NBEA: variants seen among roughly 807,000 people sequenced by gnomAD.
The protein encoded by NBEA is neurobeachin.
Under a neutral mutation model 343.4 loss-of-function variants are expected in NBEA, and 44 were observed. The ratio of observed to expected loss-of-function variants is 0.13; its 90% CI spans 0.10 to 0.16. NBEA has a LOEUF of 0.16. Ranked by LOEUF, NBEA falls within the 10% of genes least tolerant of loss-of-function variation. NBEA has a pLI of 1.00. For synonymous variants in NBEA, 1,175 were observed against 1,238.7 expected (o/e 0.95, Z 1.08); for missense variants, 2,555 against 3,631.3 (o/e 0.70, Z 7.62).
intron 36 of NBEA, among the ~76,000 whole-genome samples, chr13:35,328,748 A>G (rs1202684055): frequency 6.6e-6 from 1 of 151,876 alleles, no homozygotes; most frequent in Non-Finnish European, 1.5e-5. Flanking sequence ...GAGACACAAC[A>G]CAAACCTAAT....
At chr13:35,243,784 A>C (rs914511040) in intron 34 of NBEA, among the ~76,000 whole-genome samples, 1 of 151,936 alleles carries the variant, frequency 6.6e-6, no homozygotes, top group Non-Finnish European at 1.5e-5. Context: ...AGGGCAAAAA[A>C]GTTCTGCAAT....
intron 34 of NBEA, among the ~76,000 whole-genome samples, chr13:35,256,622 C>T (rs547928348): frequency 3.9e-4 from 59 of 152,306 alleles, no homozygotes; most frequent in African/African-American, 1.4e-3. Context: ...TGCAGGCTCA[C>T]GCTAAGCCAT....
intron 39 of NBEA, among the ~76,000 whole-genome samples, chr13:35,444,434 T>A (rs2045891613): frequency 6.6e-6 from 1 of 151,990 alleles, no homozygotes. Context: ...CTTTAAAAAG[T>A]ATTTAGGTTT....
chr13:35,490,423 A>G (rs926178753), intron 41 of NBEA, among the ~76,000 whole-genome samples: 23 of 152,024 alleles, frequency 1.5e-4, no homozygotes, highest in East Asian at 3.9e-4. Flanking sequence ...TAGATCACCA[A>G]CTAGACTGAT....
intron 38 of NBEA, among the ~76,000 whole-genome samples, chr13:35,389,017 CTTTT>C (rs796374405): frequency 7.3e-6 from 1 of 137,354 alleles, no homozygotes; most frequent in African/African-American, 2.6e-5. Context: ...TGGCGGGTTT[CTTTT>C]TTTTTTTTTT....
chr13:35,483,208 A>G (rs1437445035), intron 41 of NBEA, among the ~76,000 whole-genome samples: 1 of 151,986 alleles, frequency 6.6e-6, no homozygotes, highest in Non-Finnish European at 1.5e-5. Context: ...TTTAGTAGCT[A>G]ACATGAATAT....
intron 2 of NBEA, among the ~76,000 whole-genome samples, chr13:35,043,719 A>G (rs1302250441): frequency 1.3e-5 from 2 of 151,920 alleles, no homozygotes; most frequent in African/African-American, 4.8e-5. Context: ...TTGATTATTA[A>G]TTGATGAAGA....
intron 36 of NBEA, among the ~76,000 whole-genome samples, chr13:35,313,249 A>G (rs183441711): frequency 3.8e-4 from 58 of 152,292 alleles, no homozygotes; most frequent in Admixed American, 1.3e-3. Context: ...ATCCTCTTGT[A>G]ACACATAATA....
chr13:34,999,413 TA>T (rs1409663905), intron 1 of NBEA, among the ~76,000 whole-genome samples: 1 of 152,166 alleles, frequency 6.6e-6, no homozygotes, highest in Non-Finnish European at 1.5e-5. Flanking sequence ...ACCTGAAATC[TA>T]AGTGCTTTTT....
intron 30 of NBEA, among the ~76,000 whole-genome samples, chr13:35,194,214 T>A (rs1037925884): frequency 6.6e-6 from 1 of 152,026 alleles, no homozygotes; most frequent in Non-Finnish European, 1.5e-5. Context: ...TCCCTTCATA[T>A]TGTTTTTAAT....
intron 34 of NBEA, among the ~76,000 whole-genome samples, chr13:35,238,281 G>A (rs541646370): frequency 1.1e-4 from 17 of 152,274 alleles, no homozygotes; most frequent in African/African-American, 3.8e-4. Flanking sequence ...TCTCATATGT[G>A]TCCAAGGACA....
chr13:35,372,123 GC>G (rs2041466633), intron 38 of NBEA, among the ~76,000 whole-genome samples: 2 of 152,164 alleles, frequency 1.3e-5, no homozygotes, highest in South Asian at 4.1e-4. Context: ...AGCAGTGGCA[GC>G]AGAGGGCCAG....
At chr13:35,151,094 G>A (rs1417980139) in intron 18 of NBEA, among the ~76,000 whole-genome samples, 6 of 128,740 alleles carry the variant, frequency 4.7e-5, no homozygotes, top group East Asian at 2.2e-4. Flanking sequence ...CAGCCTGGTC[G>A]ACAAACAAGA....
chr13:35,150,380 C>T (rs1234716380), intron 18 of NBEA, among the ~76,000 whole-genome samples: 1 of 151,998 alleles, frequency 6.6e-6, no homozygotes, highest in African/African-American at 2.4e-5. Context: ...ATTTTATTAT[C>T]AGAATGACAG....
At chr13:35,104,872 A>C (rs1182892733) in intron 11 of NBEA, among the ~76,000 whole-genome samples, 3 of 152,008 alleles carry the variant, frequency 2.0e-5, no homozygotes, top group Admixed American at 1.3e-4. Flanking sequence ...GTTAGTAGAA[A>C]ATTTGATTCA....
intron 36 of NBEA, among the ~76,000 whole-genome samples, chr13:35,332,008 A>G (rs1177111885): frequency 6.6e-6 from 1 of 152,020 alleles, no homozygotes; most frequent in Non-Finnish European, 1.5e-5. Flanking sequence ...CATGATCATT[A>G]AAATTCTATT....
intron 36 of NBEA, among the ~76,000 whole-genome samples, chr13:35,343,215 A>G (rs1272183520): frequency 1.3e-5 from 2 of 152,112 alleles, no homozygotes; most frequent in African/African-American, 2.4e-5. Context: ...TCCTAAATTC[A>G]TGTATTTCAA....
intron 55 of NBEA, among the ~76,000 whole-genome samples, chr13:35,656,287 G>C (rs2084808655): frequency 6.6e-6 from 1 of 152,172 alleles, no homozygotes; most frequent in South Asian, 2.1e-4. Context: ...GATTCCTCAA[G>C]TGATAGTTAT....
At chr13:35,452,067 A>G (rs1391689560) in intron 39 of NBEA, 25 bp from the exon 40 acceptor site, 10 of 1,564,166 alleles carry the variant, frequency 6.4e-6, no homozygotes, top group Non-Finnish European at 8.8e-6. Flanking sequence ...AATAACCTAA[A>G]TGATTATATT....
Sources: gnomAD v4.1 joint callset for allele counts (sites outside exome capture counted in the v4.1 genomes callset) on GRCh38, gnomAD v4.1.1 for gene constraint, MANE v1.5 for transcripts, NCBI Gene and HGNC (gene_info 2026-07-23, HGNC 2026-07-21) for gene names.